The following WWOX variants were observed in gnomAD, a reference collection of about 807,000 sequenced individuals.
WWOX encodes the protein WW domain containing oxidoreductase, also known as WW domain-containing oxidoreductase.
In WWOX, 69 loss-of-function variants were observed where a neutral mutation model predicts 46.2. That is an observed-to-expected ratio of 1.49 (90% CI 1.23 to 1.82). WWOX has a LOEUF of 1.82. Among genes scored for constraint, WWOX ranks in the 40% most tolerant of loss-of-function variants. WWOX has a pLI of 0.00. For synonymous variants in WWOX, 359 were observed against 202.6 expected, an observed-to-expected ratio of 1.77 and a Z score of -6.56; for missense variants, 919 against 542.6, an observed-to-expected ratio of 1.69 and a Z score of -6.89.
intron 8 of WWOX, among the ~76,000 whole-genome samples, chr16:78,855,787 A>C (rs1443439960): frequency 6.6e-6 from 1 of 151,954 alleles, no homozygotes; most frequent in East Asian, 1.9e-4. Context: ...ATCAGAAAAG[A>C]TAGCCTGTTC....
chr16:78,949,658 A>G (rs2046018823), intron 8 of WWOX, among the ~76,000 whole-genome samples: 1 of 152,188 alleles, frequency 6.6e-6, no homozygotes, highest in Non-Finnish European at 1.5e-5. Context: ...TGTTAACTCC[A>G]TCTGGACAAA....
intron 8 of WWOX, among the ~76,000 whole-genome samples, chr16:78,713,010 C>T (rs1462603800): frequency 1.3e-5 from 2 of 151,972 alleles, no homozygotes; most frequent in African/African-American, 4.8e-5. Flanking sequence ...TGGCTCATGC[C>T]TGTAATCCCA....
intron 8 of WWOX, among the ~76,000 whole-genome samples, chr16:79,120,753 C>T (rs1351295579): frequency 6.6e-6 from 1 of 152,048 alleles, no homozygotes; most frequent in Admixed American, 6.5e-5. Flanking sequence ...CTGAAATTTC[C>T]CTCTGCGTTT....
intron 8 of WWOX, among the ~76,000 whole-genome samples, chr16:78,540,563 T>C (rs559211564): frequency 1.3e-5 from 2 of 152,298 alleles, no homozygotes; most frequent in East Asian, 3.9e-4. Context: ...TTAATGCTGA[T>C]ATTTCCCGTG....
chr16:78,808,392 T>C (rs1436365336), intron 8 of WWOX, among the ~76,000 whole-genome samples: 2 of 152,206 alleles, frequency 1.3e-5, no homozygotes, highest in Non-Finnish European at 2.9e-5. Context: ...TAGGTGCAAA[T>C]AATTTTCAAA....
chr16:79,042,025 C>T (rs1357137335), intron 8 of WWOX, among the ~76,000 whole-genome samples: 2 of 152,158 alleles, frequency 1.3e-5, no homozygotes, highest in South Asian at 2.1e-4. Flanking sequence ...TTCTATCCTA[C>T]TCTTTATGTT....
intron 5 of WWOX, among the ~76,000 whole-genome samples, chr16:78,187,054 G>T (rs1207632459): frequency 2.0e-5 from 3 of 152,108 alleles, no homozygotes; most frequent in Admixed American, 2.0e-4. Flanking sequence ...TATACATTTG[G>T]TTTACCAACA....
rs145640675 is a variant in WWOX at position 78,678,445 on chromosome 16, T to C, written c.1056+245693T>C. Among the ~76,000 whole-genome samples, 1,251 of 152,330 alleles carry C rather than the reference T, an allele frequency of 8.2e-3. 13 individuals are homozygous for C. Among genetic ancestry groups the C allele is most frequent in the African/African-American group, 0.029 (1,190 of 41,578 alleles). On this transcript the variant is annotated intron_variant, in intron 8 of 8. Transcript: ENST00000566780. ...TATTTTAGTTTGGCCTCAATCTTTATAGAAACTCAATTCAACAAACATTTG... is the reference window on the plus strand; with the variant it reads ...TATTTTAGTTTGGCCTCAATCTTTACAGAAACTCAATTCAACAAACATTTG...
intron 8 of WWOX, among the ~76,000 whole-genome samples, chr16:78,723,078 A>G (rs1005685839): frequency 6.6e-6 from 1 of 152,138 alleles, no homozygotes; most frequent in Non-Finnish European, 1.5e-5. Context: ...AGGAATGATG[A>G]GTACCTGGAT....
intron 8 of WWOX, among the ~76,000 whole-genome samples, chr16:78,635,978 G>T (rs1000768407): frequency 1.3e-5 from 2 of 152,130 alleles, no homozygotes; most frequent in African/African-American, 2.4e-5. Context: ...TAATTGCACG[G>T]TTAATACAAT....
chr16:78,944,593 A>T (rs2045914137), intron 8 of WWOX, among the ~76,000 whole-genome samples: 1 of 151,972 alleles, frequency 6.6e-6, no homozygotes, highest in Non-Finnish European at 1.5e-5. Context: ...GAATTGAGTG[A>T]CTCTTTCCCA....
intron 8 of WWOX, among the ~76,000 whole-genome samples, chr16:78,706,209 G>A (rs186297342): frequency 7.8e-4 from 119 of 152,022 alleles, no homozygotes; most frequent in African/African-American, 2.8e-3. Flanking sequence ...AACAGTTTTC[G>A]TGCATATGTG....
At chr16:78,830,422 C>G (rs1056617977) in intron 8 of WWOX, among the ~76,000 whole-genome samples, 20 of 152,090 alleles carry the variant, frequency 1.3e-4, no homozygotes, top group Admixed American at 1.2e-3. Context: ...TATGGCTCTC[C>G]CCTCCCCCAC....
chr16:79,014,143 G>A (rs2047366853), intron 8 of WWOX, among the ~76,000 whole-genome samples: 1 of 152,166 alleles, frequency 6.6e-6, no homozygotes, highest in South Asian at 2.1e-4. Context: ...ATCTTTTTCT[G>A]GGAAGGGATG....
At chr16:79,008,867 G>A (rs2047243848) in intron 8 of WWOX, among the ~76,000 whole-genome samples, 1 of 144,614 alleles carries the variant, frequency 6.9e-6, no homozygotes, top group Non-Finnish European at 1.5e-5. Flanking sequence ...GCCTTTAATT[G>A]GAGCCACGTG....
At chr16:78,734,361 A>G (rs2049034631) in intron 8 of WWOX, among the ~76,000 whole-genome samples, 1 of 152,112 alleles carries the variant, frequency 6.6e-6, no homozygotes, top group Non-Finnish European at 1.5e-5. Flanking sequence ...ATCAATATTT[A>G]TATCGCTGTT....
chr16:78,689,821 A>C (rs1360460156), intron 8 of WWOX, among the ~76,000 whole-genome samples: 1 of 152,116 alleles, frequency 6.6e-6, no homozygotes, highest in Non-Finnish European at 1.5e-5. Context: ...AGTCTTCCTT[A>C]CCATTTTAAC....
In WWOX at chr16:78,307,958, C is replaced by G. The variant is rs375270139; in HGVS notation, c.517-78902C>G. Among the ~76,000 whole-genome samples the G allele has an allele frequency of 1.2e-4, 19 of 152,296 alleles. No homozygotes were observed. The East Asian group carries it at 2.1e-3, about 17-fold the overall frequency. ...GCCATTCACACTTCAGAACCAAGCT[C>G]AGATCCATGTGTGACACTCTGGAAT... On this transcript the variant is annotated intron_variant, in intron 5 of 8. Coordinates refer to ENST00000566780, the MANE Select transcript of WWOX (RefSeq NM_016373.4).
At chr16:78,980,725 C>G (rs1055080842) in intron 8 of WWOX, among the ~76,000 whole-genome samples, 2 of 152,092 alleles carry the variant, frequency 1.3e-5, no homozygotes, top group African/African-American at 4.8e-5. Context: ...GCTCCATTCT[C>G]CCAAGGAGAC....
Sources: gnomAD v4.1 joint callset for allele counts (sites outside exome capture counted in the v4.1 genomes callset) on GRCh38, gnomAD v4.1.1 for gene constraint, MANE v1.5 for transcripts, NCBI Gene and HGNC (gene_info 2026-07-23, HGNC 2026-07-21) for gene names.